The following EPAS1 variants were observed in gnomAD, a reference collection of about 807,000 sequenced individuals.
The protein encoded by EPAS1 is endothelial PAS domain protein 1.
A neutral mutation model predicts 87.9 loss-of-function variants in EPAS1; 23 were observed. The ratio of observed to expected loss-of-function variants is 0.26; its 90% CI spans 0.19 to 0.37. The LOEUF (loss-of-function observed/expected upper bound fraction) is 0.37, where lower values mean the gene tolerates loss of function less well. EPAS1 is among the 10% of genes least tolerant of loss of function. EPAS1 has a pLI of 1.00. For missense variants in EPAS1, 1,138 were observed against 1,120.7 expected (o/e 1.02, Z -0.22); for synonymous variants, 508 against 444.3 (o/e 1.14, Z -1.80).
chr2:46,367,833 C>G (rs998479188), intron 6 of EPAS1, among the ~76,000 whole-genome samples: 4 of 152,184 alleles, frequency 2.6e-5, no homozygotes, highest in Admixed American at 6.5e-5. Context: ...TCTTCTCTGC[C>G]CACTTCAAAA....
intron 1 of EPAS1, among the ~76,000 whole-genome samples, chr2:46,345,375 A>G (rs1473671461): frequency 6.6e-6 from 1 of 152,216 alleles, no homozygotes; most frequent in Non-Finnish European, 1.5e-5. Flanking sequence ...AAGCAAAACA[A>G]AAACCAAAAA....
chr2:46,345,087 A>G (rs1683994837), intron 1 of EPAS1, among the ~76,000 whole-genome samples: 1 of 152,228 alleles, frequency 6.6e-6, no homozygotes, highest in South Asian at 2.1e-4. Context: ...AGCCAGCTAG[A>G]GCTGATTGGA....
Position 46,377,916 on chromosome 2 carries a change from C to G in EPAS1, c.1272C>G (p.Ser424=), listed in dbSNP as rs1047245407. 1.9e-6 allele frequency: 3 copies of G among 1,553,498 alleles called. No homozygotes were observed. Among genetic ancestry groups the G allele is most frequent in the Non-Finnish European group, 2.6e-6 (3 of 1,147,924 alleles). ...LDFGNQNFEE[S]SAYGKAILPP... ...CAGGGAATCAGAACTTCGAGGAGTCCTCAGCCTATGGCAAGGCCATCCTGC... is the reference window on the plus strand; with the variant it reads ...CAGGGAATCAGAACTTCGAGGAGTCGTCAGCCTATGGCAAGGCCATCCTGC... The change falls in exon 10 of 16, where the codon TCC becomes TCG. Residue 424 remains serine, a synonymous_variant. Transcript: ENST00000263734.
At position 46,309,456 on chromosome 2, in the gene EPAS1, C is replaced by T. The variant is rs1213220146; in HGVS notation, c.26+11519C>T. Among the ~76,000 whole-genome samples the T allele has an allele frequency of 1.3e-5, 2 of 152,292 alleles. 1 individual carries two copies. The highest frequency in any genetic ancestry group is 4.1e-4 in the South Asian group (2 of 4,832). ...CAACCAACTCAGATAAAACATTGAG[C>T]AAACAATGGAAGATTGATAGTAATT... is the stretch of plus-strand genomic sequence containing the variant. On this transcript the variant is annotated intron_variant, in intron 1 of 15. Coordinates refer to ENST00000263734, the MANE Select transcript of EPAS1 (RefSeq NM_001430.5).
intron 1 of EPAS1, among the ~76,000 whole-genome samples, chr2:46,301,846 A>C (rs890909996): frequency 6.7e-6 from 1 of 150,338 alleles, no homozygotes; most frequent in African/African-American, 2.4e-5. Flanking sequence ...AAAAGGAAGC[A>C]GAGTTGAATT....
At chr2:46,336,985 C>T (rs1683804861) in intron 1 of EPAS1, among the ~76,000 whole-genome samples, 1 of 152,222 alleles carries the variant, frequency 6.6e-6, no homozygotes, top group Admixed American at 6.5e-5. Context: ...TGAGTGTCCG[C>T]AGGGTGACTC....
chr2:46,354,594 G>A (rs1193654170), intron 2 of EPAS1, among the ~76,000 whole-genome samples: 2 of 150,892 alleles, frequency 1.3e-5, no homozygotes, highest in African/African-American at 2.4e-5. Flanking sequence ...GGGTGGTTCC[G>A]GGTGGAAGTT....
At chr2:46,327,746 AT>A (rs1425072377) in intron 1 of EPAS1, among the ~76,000 whole-genome samples, 1 of 152,182 alleles carries the variant, frequency 6.6e-6, no homozygotes, top group Non-Finnish European at 1.5e-5. Flanking sequence ...ACAAAAATTC[AT>A]CTGTTGAGTG....
intron 4 of EPAS1, among the ~76,000 whole-genome samples, chr2:46,358,635 C>T (rs1297635855): frequency 6.6e-6 from 1 of 152,196 alleles, no homozygotes; most frequent in Non-Finnish European, 1.5e-5. Flanking sequence ...AGGCGACAAC[C>T]TTTCAGTTCT....
At position 46,356,923 on chromosome 2, in the gene EPAS1, A is replaced by G. The variant is rs1382656086; in HGVS notation, c.454+115A>G. ...GGCCCTTGTGATGCAGGAAAAATGG[A>G]TGTCCTTAAAAAATTTAAGTATGTA... On this transcript the variant is annotated intron_variant, in intron 4 of 15. Coordinates refer to ENST00000263734, the MANE Select transcript of EPAS1 (RefSeq NM_001430.5). 1.4e-4 allele frequency: 106 copies of G among 770,470 alleles called. No homozygotes were observed. The Admixed American group carries it at 2.1e-3, about 15-fold the overall frequency. The allele number at this position is 770,470 out of a possible 1,614,324, so 47.7% of individuals were successfully genotyped here.
At chr2:46,344,409 T>G (rs1683976072) in intron 1 of EPAS1, among the ~76,000 whole-genome samples, 1 of 152,194 alleles carries the variant, frequency 6.6e-6, no homozygotes, top group Non-Finnish European at 1.5e-5. Flanking sequence ...ATGACGAGGT[T>G]ATGTGTTGAT....
At chr2:46,364,840 A>G (rs1684469500) in intron 6 of EPAS1, among the ~76,000 whole-genome samples, 1 of 152,164 alleles carries the variant, frequency 6.6e-6, no homozygotes, top group African/African-American at 2.4e-5. Flanking sequence ...ACGAACTGTC[A>G]TTTACTGTGC....
intron 1 of EPAS1, among the ~76,000 whole-genome samples, chr2:46,317,215 C>A (rs530720724): frequency 1.0e-3 from 155 of 152,324 alleles, no homozygotes; most frequent in African/African-American, 3.7e-3. Context: ...CATCCTCCCA[C>A]AAATTACAAA....
chr2:46,376,865 G>A, intron 9 of EPAS1, 112 bp downstream of exon 9: 1 of 1,115,594 alleles, frequency 9.0e-7, no homozygotes, highest in Non-Finnish European at 1.3e-6. Context: ...AGCTACCCCA[G>A]CCCCCCAAGT....
chr2:46,360,785 T>A lies in EPAS1; in HGVS notation c.573+29T>A, dbSNP rs532779653. ...GGGCAACATCAGGCCTGGGTTGGAGTCCCAGGTGTAGGGTAACGGCGGTGC... is the reference window on the plus strand; with the variant it reads ...GGGCAACATCAGGCCTGGGTTGGAGACCCAGGTGTAGGGTAACGGCGGTGC... On this transcript the variant is annotated intron_variant, in intron 5 of 15. Coordinates refer to ENST00000263734, the MANE Select transcript of EPAS1 (RefSeq NM_001430.5). This position sits in a 1 kb window ranked among gnomAD's most constrained non-coding sequence, Gnocchi z 4.5. 6.2e-7 allele frequency: 1 copy of A among 1,611,836 alleles called. No individual in the cohort carries two copies. Among genetic ancestry groups the A allele is most frequent in the South Asian group, 1.1e-5 (1 of 91,036 alleles).
At chr2:46,303,118 T>G (rs1405933722) in intron 1 of EPAS1, among the ~76,000 whole-genome samples, 1 of 152,200 alleles carries the variant, frequency 6.6e-6, no homozygotes, top group Non-Finnish European at 1.5e-5. Context: ...ACAGCCTACA[T>G]GCTTTTCTGT....
chr2:46,304,116 C>T (rs1239961819), intron 1 of EPAS1, among the ~76,000 whole-genome samples: 2 of 152,280 alleles, frequency 1.3e-5, no homozygotes, highest in Non-Finnish European at 2.9e-5. Flanking sequence ...ATTTGGATGA[C>T]CTTCATGTTC....
Position 46,375,529 on chromosome 2 carries a change from TA to T in EPAS1, c.887-159del. On this transcript the variant is annotated intron_variant, in intron 7 of 15. Coordinates refer to ENST00000263734, the MANE Select transcript of EPAS1 (RefSeq NM_001430.5). The surrounding 1 kb of genome is among the most constrained non-coding windows in gnomAD (Gnocchi z 4.1). ...ATGAAGAGTTGGCTGAGGTGATCCC[TA>T]AGCTCCCTCCCAGGTCACTCTCCCT... 1 of 815,042 alleles carries T rather than the reference TA, an allele frequency of 1.2e-6. No homozygotes were observed. Among genetic ancestry groups the T allele is most frequent in the Non-Finnish European group, 2.0e-6 (1 of 497,840 alleles). 50.5% of individuals were successfully genotyped at this position (815,042 alleles called of 1,614,324 possible).
In EPAS1 at chr2:46,356,285, T is replaced by C. The variant is rs751765775; in HGVS notation, c.352T>C (p.Phe118Leu). 6 of 1,614,116 alleles carry C rather than the reference T, an allele frequency of 3.7e-6. No homozygotes were observed. The Admixed American group carries it at 1.0e-4, about 27-fold the overall frequency. Residue 118 changes from phenylalanine (F) to leucine (L), a missense_variant, in exon 3 of 16, where the codon TTC becomes CTC. Phe to Leu is a conservative substitution (Grantham distance 22). Coordinates refer to ENST00000263734, the MANE Select transcript of EPAS1 (RefSeq NM_001430.5). ...MIFLSENISK[F>L]MGLTQVELTG... ...CTTTCTGTCAGAAAACATCAGCAAG[T>C]TCATGGGACTTACACAGGTGACACC...
Sources: gnomAD v4.1 joint callset for allele counts (sites outside exome capture counted in the v4.1 genomes callset) on GRCh38, gnomAD v4.1.1 for gene constraint, Gnocchi (gnomAD v3.1) non-coding constraint, MANE v1.5 for transcripts, NCBI Gene and HGNC (gene_info 2026-07-23, HGNC 2026-07-21) for gene names.